Variants in CNR1 observed in about 807,000 individuals in gnomAD.
CNR1 encodes the protein cannabinoid receptor 1 (brain).
In CNR1, 10 loss-of-function variants were observed where a neutral mutation model predicts 23.0. The observed-to-expected ratio is 0.43, with a 90% CI of 0.27 to 0.74. The LOEUF (loss-of-function observed/expected upper bound fraction) is 0.74. Among genes scored for constraint, CNR1 ranks in the 30% least tolerant of loss-of-function variants. CNR1 has a pLI of 0.19. For missense variants in CNR1, 422 were observed against 618.8 expected, an observed-to-expected ratio of 0.68 and a Z score of 3.37; for synonymous variants, 271 against 255.2, an observed-to-expected ratio of 1.06 and a Z score of -0.59.
intron 1 of CNR1, among the ~76,000 whole-genome samples, chr6:88,146,894 A>G (rs1037268525): frequency 6.6e-6 from 1 of 152,230 alleles, no homozygotes; most frequent in Non-Finnish European, 1.5e-5. Flanking sequence ...ATCTGAATTA[A>G]TAATTCATTT....
In CNR1 at chr6:88,143,754, T is replaced by C. The variant is rs1383902741; in HGVS notation, c.*102A>G. 3 of 816,062 alleles carry C rather than the reference T, an allele frequency of 3.7e-6. No homozygotes were observed. The highest frequency in any genetic ancestry group is 2.4e-5 in the East Asian group (1 of 41,144). 50.6% of individuals were successfully genotyped at this position (816,062 alleles called of 1,614,324 possible). Reference sequence around the variant, plus strand: ...GTGACAATCACCTTTTCATTGAGCATGGTAAAGTTAAAAAAATATAACCAA... The same window carrying C: ...GTGACAATCACCTTTTCATTGAGCACGGTAAAGTTAAAAAAATATAACCAA... On this transcript the variant is annotated 3_prime_UTR_variant, in exon 2 of 2. Transcript: ENST00000369501.
intron 1 of CNR1, among the ~76,000 whole-genome samples, chr6:88,151,988 G>A (rs570410113): frequency 1.4e-4 from 21 of 152,146 alleles, no homozygotes; most frequent in African/African-American, 4.8e-4. Context: ...CAGATGAATC[G>A]AAGTTTCTCA....
chr6:88,152,144 G>A (rs1269710844), intron 1 of CNR1, among the ~76,000 whole-genome samples: 7 of 151,274 alleles, frequency 4.6e-5, no homozygotes, highest in Non-Finnish European at 1.0e-4. Flanking sequence ...GAACCCGGGA[G>A]GCGGAGCTTG....
chr6:88,158,880 T>G (rs1248681214), intron 1 of CNR1, among the ~76,000 whole-genome samples: 1 of 152,192 alleles, frequency 6.6e-6, no homozygotes, highest in East Asian at 1.9e-4. Context: ...CTATTTGGAA[T>G]AGAATAATGT....
In CNR1 at chr6:88,143,826, T is replaced by G. The variant is rs755592434; in HGVS notation, c.*30A>C. Reference sequence around the variant, plus strand: ...ATTTTGAGCTTAAAAAAAAAAATTCTTTTCCTGTGCTGCCAGGGAGGCATC... The same window carrying G: ...ATTTTGAGCTTAAAAAAAAAAATTCGTTTCCTGTGCTGCCAGGGAGGCATC... On this transcript the variant is annotated 3_prime_UTR_variant, in exon 2 of 2. Coordinates refer to ENST00000369501, the MANE Select transcript of CNR1 (RefSeq NM_016083.6). The G allele has an allele frequency of 3.8e-6, 6 of 1,559,870 alleles. No homozygotes were observed. The highest frequency in any genetic ancestry group is 5.2e-6 in the Non-Finnish European group (6 of 1,149,870).
intron 1 of CNR1, among the ~76,000 whole-genome samples, chr6:88,164,608 G>GA (rs1472620756): frequency 6.6e-6 from 1 of 152,216 alleles, no homozygotes; most frequent in Non-Finnish European, 1.5e-5. Flanking sequence ...AAAGGACAGA[G>GA]AAAAATCAAT....
At chr6:88,146,081 AG>A (rs1300253105) in intron 1 of CNR1, among the ~76,000 whole-genome samples, 3 of 152,154 alleles carry the variant, frequency 2.0e-5, no homozygotes. Flanking sequence ...TGAGGCGTAT[AG>A]GAAGACAGAG....
Position 88,144,641 on chromosome 6 carries a change from T to C in CNR1, c.634A>G (p.Ile212Val), listed in dbSNP as rs1272981910. 1 of 1,614,084 alleles carries C rather than the reference T, an allele frequency of 6.2e-7. No individual in the cohort carries two copies. ...ASVGSLFLTA[I>V]DRYISIHRPL... ...CTGTGAATGGATATGTACCTGTCGA[T>C]GGCTGTGAGGAACAGGCTGCCCACG... The change falls in exon 2 of 2, where the codon ATC becomes GTC. Residue 212 changes from isoleucine to valine, a missense_variant. By Grantham distance (29) the Ile-to-Val change is conservative (BLOSUM62 3). Coordinates refer to ENST00000369501, the MANE Select transcript of CNR1 (RefSeq NM_016083.6). This position sits in a 1 kb window ranked among gnomAD's most constrained non-coding sequence, Gnocchi z 7.8.
intron 1 of CNR1, among the ~76,000 whole-genome samples, chr6:88,153,324 T>C (rs926958689): frequency 1.5e-4 from 23 of 152,190 alleles, no homozygotes; most frequent in Admixed American, 1.2e-3. Context: ...GTCTTTATTT[T>C]TATTCGTATA....
chr6:88,142,053 G>A lies in CNR1; in HGVS notation c.*1803C>T, dbSNP rs572230844. 5.2e-5 allele frequency: 8 copies of A among 152,430 alleles called. No individual in the cohort carries two copies. Among genetic ancestry groups the A allele is most frequent in the South Asian group, 2.1e-4 (1 of 4,824 alleles). 9.4% of individuals were successfully genotyped at this position (152,430 alleles called of 1,614,324 possible). ...TGGCGCCATTAAGGAGCATGAGACCGGGGTGTAAGAAGAAAGCAGCTGTGT... is the reference window on the plus strand; with the variant it reads ...TGGCGCCATTAAGGAGCATGAGACCAGGGTGTAAGAAGAAAGCAGCTGTGT... On this transcript the variant is annotated 3_prime_UTR_variant, in exon 2 of 2. Transcript: ENST00000369501.
chr6:88,159,295 G>C (rs1436771778), intron 1 of CNR1, among the ~76,000 whole-genome samples: 1 of 152,074 alleles, frequency 6.6e-6, no homozygotes, highest in Admixed American at 6.5e-5. Flanking sequence ...GATGAACCCA[G>C]GAAAGAACGA....
intron 1 of CNR1, among the ~76,000 whole-genome samples, chr6:88,156,430 C>A (rs1255279352): frequency 7.9e-5 from 12 of 152,188 alleles, no homozygotes; most frequent in Admixed American, 7.9e-4. Context: ...AAATGGTTCT[C>A]CCCTCCACCC....
chr6:88,160,698 G>A (rs1301985107), intron 1 of CNR1, among the ~76,000 whole-genome samples: 1 of 152,142 alleles, frequency 6.6e-6, no homozygotes, highest in Non-Finnish European at 1.5e-5. Flanking sequence ...GCCTCCCAAA[G>A]TGCTGGGATT....
Position 88,166,063 on chromosome 6 carries a change from G to A in CNR1, c.-324C>T, listed in dbSNP as rs1778356873. On this transcript the variant is annotated 5_prime_UTR_variant, in exon 1 of 2. Transcript: ENST00000369501. The stretch of plus-strand genomic sequence containing the variant: ...GGCGCCGGCGCCGGGCTGCTGGCGA[G>A]GCGGGGTGGGGTGGAGTGGGGTGTG... The A allele has an allele frequency of 6.6e-6, 1 of 152,560 alleles. No homozygotes were observed. Among genetic ancestry groups the A allele is most frequent in the South Asian group, 2.1e-4 (1 of 4,838 alleles). 9.5% of individuals were successfully genotyped at this position (152,560 alleles called of 1,614,324 possible).
chr6:88,160,135 G>A (rs889769889), intron 1 of CNR1, among the ~76,000 whole-genome samples: 5 of 151,946 alleles, frequency 3.3e-5, no homozygotes, highest in African/African-American at 7.3e-5. Flanking sequence ...CAAGACCAGC[G>A]TGGCCAACAT....
At chr6:88,147,465 A>G (rs533587416) in intron 1 of CNR1, among the ~76,000 whole-genome samples, 2 of 152,370 alleles carry the variant, frequency 1.3e-5, no homozygotes, top group South Asian at 4.1e-4. Flanking sequence ...GGTTTCCCCA[A>G]GGAAAAGATA....
chr6:88,163,862 G>A (rs567137870), intron 1 of CNR1, among the ~76,000 whole-genome samples: 3 of 152,202 alleles, frequency 2.0e-5, no homozygotes, highest in Non-Finnish European at 2.9e-5. Flanking sequence ...TATTAGAGAA[G>A]AGCAATCTCA....
In CNR1 at chr6:88,143,901, C is replaced by T. The variant is rs759146606; in HGVS notation, c.1374G>A (p.Lys458=). ...SCIKSTVKIA[K]VTMSVSTDTS... ...TGTCTGTGGACACAGACATGGTTAC[C>T]TTGGCAATCTTGACCGTGCTCTTGA... The change falls in exon 2 of 2, where the codon AAG becomes AAA. Residue 458 remains lysine (K), a synonymous_variant. Coordinates refer to ENST00000369501, the MANE Select transcript of CNR1 (RefSeq NM_016083.6). The T allele has an allele frequency of 5.0e-6, 8 of 1,614,014 alleles. No homozygotes were observed. Among genetic ancestry groups the T allele is most frequent in the Non-Finnish European group, 6.8e-6 (8 of 1,180,030 alleles).
At chr6:88,156,627 G>A (rs923760205) in intron 1 of CNR1, among the ~76,000 whole-genome samples, 30 of 152,246 alleles carry the variant, frequency 2.0e-4, no homozygotes, top group African/African-American at 7.2e-4. Context: ...GAGCCATCCT[G>A]TAGTTGTCTT....
Sources: allele counts gnomAD v4.1 joint callset (sites outside exome capture counted in the v4.1 genomes callset), GRCh38; gene constraint gnomAD v4.1.1; non-coding constraint Gnocchi (gnomAD v3.1); transcripts MANE v1.5; gene names NCBI Gene and HGNC (gene_info 2026-07-23, HGNC 2026-07-21).